AGBL1: variants seen among roughly 807,000 people sequenced by gnomAD.
AGBL1 encodes the protein cytosolic carboxypeptidase 4.
In AGBL1, 130 loss-of-function variants were observed where a neutral mutation model predicts 118.9. The ratio of observed to expected loss-of-function variants is 1.09; its 90% CI spans 0.95 to 1.26. AGBL1 has a LOEUF of 1.26. Among genes scored for constraint, AGBL1 ranks in the 50% most tolerant of loss-of-function variants. The pLI is 0.00. For missense variants in AGBL1, 1,584 were observed against 1,298.1 expected (o/e 1.22, Z -3.38); for synonymous variants, 555 against 478.9 (o/e 1.16, Z -2.08).
At chr15:86,178,186 G>T (rs1269735657) in intron 5 of AGBL1, among the ~76,000 whole-genome samples, 2 of 152,080 alleles carry the variant, frequency 1.3e-5, no homozygotes, top group Admixed American at 1.3e-4. Context: ...GGTGGCACCT[G>T]CCCGTAATCC....
intron 22 of AGBL1, among the ~76,000 whole-genome samples, chr15:86,827,455 A>ACG (rs2079038911): frequency 9.9e-5 from 1 of 10,126 alleles, no homozygotes; most frequent in African/African-American, 8.8e-4. Context: ...GTGTGTATAT[A>ACG]TATATATATA....
intron 21 of AGBL1, among the ~76,000 whole-genome samples, chr15:86,664,870 C>G (rs964126955): frequency 2.2e-4 from 33 of 151,660 alleles, no homozygotes; most frequent in African/African-American, 7.5e-4. Flanking sequence ...TATCTTAATT[C>G]AGATACACTT....
intron 5 of AGBL1, among the ~76,000 whole-genome samples, chr15:86,206,575 C>A (rs556921347): frequency 6.6e-6 from 1 of 152,310 alleles, no homozygotes; most frequent in African/African-American, 2.4e-5. Context: ...TGATGATGAG[C>A]ATTTTTTCAT....
At chr15:86,720,468 A>G (rs923698705) in intron 22 of AGBL1, among the ~76,000 whole-genome samples, 5 of 152,182 alleles carry the variant, frequency 3.3e-5, no homozygotes, top group Admixed American at 1.3e-4. Flanking sequence ...TCTTCTTACC[A>G]TAGAACATGT....
At chr15:86,340,800 C>T (rs766855020) in intron 17 of AGBL1, among the ~76,000 whole-genome samples, 19 of 152,126 alleles carry the variant, frequency 1.2e-4, no homozygotes, top group Non-Finnish European at 2.6e-4. Flanking sequence ...TCCACTAATC[C>T]TCTGATGATC....
intron 22 of AGBL1, among the ~76,000 whole-genome samples, chr15:86,685,943 G>A (rs576737033): frequency 2.0e-5 from 3 of 152,116 alleles, no homozygotes; most frequent in Admixed American, 6.6e-5. Flanking sequence ...TACAAAGATC[G>A]TAACATCCTC....
intron 18 of AGBL1, among the ~76,000 whole-genome samples, chr15:86,506,852 A>G (rs559252033): frequency 2.6e-5 from 4 of 152,196 alleles, no homozygotes; most frequent in African/African-American, 9.6e-5. Flanking sequence ...CTCACCTTTA[A>G]TGGAGAGCAA....
At chr15:86,734,897 G>C (rs992098963) in intron 22 of AGBL1, among the ~76,000 whole-genome samples, 11 of 151,948 alleles carry the variant, frequency 7.2e-5, no homozygotes, top group African/African-American at 2.7e-4. Context: ...GAATTGTGAG[G>C]GAACAATAAG....
At chr15:87,027,537 G>A (rs553100547) in intron 24 of AGBL1, among the ~76,000 whole-genome samples, 20 of 151,040 alleles carry the variant, frequency 1.3e-4, no homozygotes, top group African/African-American at 2.7e-4. Flanking sequence ...TTATATAGAT[G>A]TATATTTATT....
At chr15:86,414,751 G>T (rs1175123719) in intron 18 of AGBL1, among the ~76,000 whole-genome samples, 1 of 152,082 alleles carries the variant, frequency 6.6e-6, no homozygotes, top group African/African-American at 2.4e-5. Context: ...GAACATTAAC[G>T]ATCACTCAAC....
At chr15:86,924,488 G>A (rs2080511090) in intron 23 of AGBL1, among the ~76,000 whole-genome samples, 1 of 152,178 alleles carries the variant, frequency 6.6e-6, no homozygotes, top group African/African-American at 2.4e-5. Flanking sequence ...CAATTCCTCT[G>A]TTAATCATGA....
chr15:86,962,030 G>C (rs1490953562), intron 23 of AGBL1, among the ~76,000 whole-genome samples: 4 of 152,070 alleles, frequency 2.6e-5, no homozygotes, highest in African/African-American at 7.2e-5. Context: ...AATCTCTTGT[G>C]ATGTATTGGC....
intron 17 of AGBL1, among the ~76,000 whole-genome samples, chr15:86,334,846 A>C (rs1388146319): frequency 6.6e-6 from 1 of 152,244 alleles, no homozygotes; most frequent in Non-Finnish European, 1.5e-5. Context: ...GAAAGCTCAG[A>C]AATAATGCCA....
chr15:86,962,409 A>C (rs1330518196), intron 23 of AGBL1, among the ~76,000 whole-genome samples: 3 of 152,096 alleles, frequency 2.0e-5, no homozygotes, highest in Non-Finnish European at 2.9e-5. Flanking sequence ...CTAAGATTCC[A>C]AAAATTCTTA....
intron 10 of AGBL1, among the ~76,000 whole-genome samples, chr15:86,263,429 A>G (rs915926334): frequency 3.3e-5 from 5 of 152,338 alleles, no homozygotes; most frequent in Admixed American, 3.3e-4. Context: ...CTGATGATGC[A>G]TTTCTCAGAG....
In AGBL1 at chr15:86,209,160, A is replaced by T. The variant is rs57141561; in HGVS notation, c.489-15754A>T. On this transcript the variant is annotated intron_variant, in intron 5 of 22. Transcript: ENST00000614907. ...TTTCTTAATCCTGAGTTTTAATATG[A>T]TTGCACTGTGGTCTGAGAGACAGTT... Among the ~76,000 whole-genome samples, 656 of 152,242 alleles carry T rather than the reference A, an allele frequency of 4.3e-3. 3 individuals are homozygous for T. The highest frequency in any genetic ancestry group is 0.015 in the African/African-American group (631 of 41,534).
In AGBL1 at chr15:86,615,869, G is replaced by A. The variant is rs1450416879; in HGVS notation, c.2995-58404G>A. 1.3e-5 allele frequency among the ~76,000 whole-genome samples: 2 copies of A among 152,014 alleles called. No homozygotes were observed. The highest frequency in any genetic ancestry group is 2.9e-5 in the Non-Finnish European group (2 of 68,010). On this transcript the variant is annotated intron_variant, in intron 21 of 22. Coordinates refer to ENST00000614907, the MANE Select transcript of AGBL1 (RefSeq NM_001386094.1). This position sits in a 1 kb window ranked among gnomAD's most constrained non-coding sequence, Gnocchi z 4.3. ...GAAAAATTAATTAATAGGGATGACA[G>A]TGTTGGGGTTATACATACATTGATA...
intron 17 of AGBL1, among the ~76,000 whole-genome samples, chr15:86,369,455 G>A (rs578151663): frequency 1.0e-3 from 156 of 152,192 alleles, no homozygotes; most frequent in Non-Finnish European, 2.0e-3. Flanking sequence ...TAGATAAAGA[G>A]TAGAATATAT....
chr15:86,351,304 A>G (rs2080622638), intron 17 of AGBL1, among the ~76,000 whole-genome samples: 2 of 152,190 alleles, frequency 1.3e-5, no homozygotes, highest in African/African-American at 4.8e-5. Flanking sequence ...GCATTAATCC[A>G]TTAATGAGGG....
Sources: allele counts gnomAD v4.1 joint callset (sites outside exome capture counted in the v4.1 genomes callset), GRCh38; gene constraint gnomAD v4.1.1; non-coding constraint Gnocchi (gnomAD v3.1); transcripts MANE v1.5; gene names NCBI Gene and HGNC (gene_info 2026-07-23, HGNC 2026-07-21).